UNC5C: variants seen among roughly 807,000 people sequenced by gnomAD.
The protein encoded by UNC5C is netrin receptor UNC5C.
In UNC5C, 47 loss-of-function variants were observed where a neutral mutation model predicts 99.8. That is an observed-to-expected ratio of 0.47 (90% CI 0.37 to 0.60). The LOEUF is 0.60. UNC5C is among the 20% of genes least tolerant of loss of function. UNC5C has a pLI of 0.00. For synonymous variants in UNC5C, 487 were observed against 452.2 expected (o/e 1.08, Z -0.98); for missense variants, 1,062 against 1,165.9 (o/e 0.91, Z 1.30).
chr4:95,387,370 G>T (rs1225410450), intron 1 of UNC5C, among the ~76,000 whole-genome samples: 2 of 152,116 alleles, frequency 1.3e-5, no homozygotes, highest in Non-Finnish European at 2.9e-5. Flanking sequence ...GATGACCTGA[G>T]CTCAAGCTAT....
chr4:95,297,712 C>G (rs990020356), intron 3 of UNC5C, among the ~76,000 whole-genome samples: 1 of 152,206 alleles, frequency 6.6e-6, no homozygotes, highest in African/African-American at 2.4e-5. Context: ...AGGCTTAGCC[C>G]TTTCAAATCA....
chr4:95,474,591 G>A lies in UNC5C; in HGVS notation c.124+74143C>T, dbSNP rs1027623855. On this transcript the variant is annotated intron_variant, in intron 1 of 15. Transcript: ENST00000453304. ...GTGTGAGCCACTGTGCCTCGCCTAT[G>A]GTACATATAATTTTAAAAGACACTG... 2.0e-4 allele frequency among the ~76,000 whole-genome samples: 31 copies of A among 151,806 alleles called. 1 individual carries two copies. Among genetic ancestry groups the A allele is most frequent in the Non-Finnish European group, 7.4e-5 (5 of 67,934 alleles).
At position 95,167,992 on chromosome 4, in the gene UNC5C, C is replaced by T. The variant is rs1261854346; in HGVS notation, c.*1242G>A. ...AAATGACTTTCTCAAGGTGGCGCAACAAGACAGTGACAGACCCACAATGAG... is the reference window on the plus strand; with the variant it reads ...AAATGACTTTCTCAAGGTGGCGCAATAAGACAGTGACAGACCCACAATGAG... On this transcript the variant is annotated 3_prime_UTR_variant, in exon 16 of 16. Transcript: ENST00000453304. 6.6e-6 allele frequency: 1 copy of T among 152,178 alleles called. No homozygotes were observed. The highest frequency in any genetic ancestry group is 1.9e-4 in the East Asian group (1 of 5,192). 9.4% of individuals were successfully genotyped at this position (152,178 alleles called of 1,614,324 possible). A position where few individuals can be genotyped will look rare whatever the true frequency, so the allele number is the denominator to read the frequency against.
chr4:95,293,600 T>TAAGACATTGCA (rs1477462756), intron 3 of UNC5C, among the ~76,000 whole-genome samples: 1 of 152,078 alleles, frequency 6.6e-6, no homozygotes, highest in African/African-American at 2.4e-5. Context: ...GATTACAACG[T>TAAGACATTGCA]AAGACATTGC....
chr4:95,173,051 T>C (rs1736188432), intron 14 of UNC5C, among the ~76,000 whole-genome samples: 1 of 152,020 alleles, frequency 6.6e-6, no homozygotes, highest in South Asian at 2.1e-4. Context: ...TGTCTGTTAT[T>C]GGTGTATAAG....
chr4:95,305,363 A>C (rs571541378), intron 2 of UNC5C, among the ~76,000 whole-genome samples: 86 of 152,264 alleles, frequency 5.6e-4, no homozygotes, highest in African/African-American at 2.0e-3. Context: ...ATCAGACCAG[A>C]GCCTAGTGGT....
chr4:95,485,218 C>A (rs536101420), intron 1 of UNC5C, among the ~76,000 whole-genome samples: 12 of 151,704 alleles, frequency 7.9e-5, no homozygotes, highest in Non-Finnish European at 1.5e-4. Flanking sequence ...TTTTTAAACT[C>A]ACTGAACTAA....
rs1438893355 is a variant in UNC5C at position 95,522,023 on chromosome 4, T to C, written c.124+26711A>G. Among the ~76,000 whole-genome samples, 7 of 152,262 alleles carry C rather than the reference T, an allele frequency of 4.6e-5. No individual in the cohort carries two copies. The South Asian group carries it at 1.0e-3, about 23-fold the overall frequency. On this transcript the variant is annotated intron_variant, in intron 1 of 15. Coordinates refer to ENST00000453304, the MANE Select transcript of UNC5C (RefSeq NM_003728.4). Reference sequence around the variant, plus strand: ...TTTTCTGAAAAAAATATGACCATATTTCTTCCACTAATTTATTTCTAGTTT... The same window carrying C: ...TTTTCTGAAAAAAATATGACCATATCTCTTCCACTAATTTATTTCTAGTTT...
intron 1 of UNC5C, among the ~76,000 whole-genome samples, chr4:95,364,231 A>G (rs1036822699): frequency 6.6e-6 from 1 of 152,252 alleles, no homozygotes; most frequent in African/African-American, 2.4e-5. Context: ...AGAACATGTG[A>G]CTCCACCAAC....
chr4:95,171,701 G>A (rs1415415850), intron 14 of UNC5C, among the ~76,000 whole-genome samples: 15 of 151,752 alleles, frequency 9.9e-5, no homozygotes, highest in Admixed American at 2.6e-4. Flanking sequence ...GTAAACATAC[G>A]TGTGCATGTG....
intron 1 of UNC5C, among the ~76,000 whole-genome samples, chr4:95,371,409 C>G (rs986592125): frequency 1.8e-5 from 2 of 109,748 alleles, no homozygotes; most frequent in African/African-American, 8.0e-5. Flanking sequence ...GAAATAAAAA[C>G]ACAGTATATT....
intron 1 of UNC5C, among the ~76,000 whole-genome samples, chr4:95,350,253 C>T (rs777776988): frequency 6.6e-6 from 1 of 151,934 alleles, no homozygotes; most frequent in Non-Finnish European, 1.5e-5. Context: ...TTTGGGAGGC[C>T]GAAGTGGGCA....
At chr4:95,532,570 G>T (rs1722677598) in intron 1 of UNC5C, among the ~76,000 whole-genome samples, 1 of 152,156 alleles carries the variant, frequency 6.6e-6, no homozygotes, top group African/African-American at 2.4e-5. Flanking sequence ...ACCAACTGGG[G>T]ACACAGGGAA....
At chr4:95,255,275 C>T (rs546954140) in intron 4 of UNC5C, among the ~76,000 whole-genome samples, 122 of 152,204 alleles carry the variant, frequency 8.0e-4, no homozygotes, top group African/African-American at 2.7e-3. Flanking sequence ...CCACCATGCC[C>T]GGCACCCCGC....
chr4:95,406,143 C>A (rs931985390), intron 1 of UNC5C, among the ~76,000 whole-genome samples: 1 of 152,112 alleles, frequency 6.6e-6, no homozygotes, highest in African/African-American at 2.4e-5. Flanking sequence ...AGGAACAAAT[C>A]GACTTTTATG....
chr4:95,532,206 A>T (rs903853069), intron 1 of UNC5C, among the ~76,000 whole-genome samples: 2 of 152,154 alleles, frequency 1.3e-5, no homozygotes, highest in Non-Finnish European at 2.9e-5. Context: ...TTAGAGATGG[A>T]TCTCTGAGGG....
intron 12 of UNC5C, among the ~76,000 whole-genome samples, chr4:95,195,172 T>TTGA (rs1193753584): frequency 2.0e-5 from 3 of 152,176 alleles, no homozygotes; most frequent in Non-Finnish European, 4.4e-5. Flanking sequence ...TTTAATAACT[T>TTGA]TGATGTCCTT....
At position 95,272,921 on chromosome 4, in the gene UNC5C, G is replaced by A. The variant is rs557329718; in HGVS notation, c.594+5338C>T. 2.0e-5 allele frequency among the ~76,000 whole-genome samples: 3 copies of A among 152,292 alleles called. No homozygotes were observed. In the East Asian group the frequency reaches 5.8e-4, roughly 29 times the overall value. On this transcript the variant is annotated intron_variant, in intron 4 of 15. Transcript: ENST00000453304. ...TATTATGGAAGAATGGCAAGGAAAC[G>A]TGAAGGACTCATGAAACAAAGTGTT...
chr4:95,471,286 T>C (rs951541156), intron 1 of UNC5C, among the ~76,000 whole-genome samples: 3 of 152,128 alleles, frequency 2.0e-5, no homozygotes, highest in African/African-American at 7.2e-5. Flanking sequence ...TGTGGATAAG[T>C]TTTCATGGAT....
Sources: gnomAD v4.1 joint callset for allele counts (sites outside exome capture counted in the v4.1 genomes callset) on GRCh38, gnomAD v4.1.1 for gene constraint, MANE v1.5 for transcripts, NCBI Gene and HGNC (gene_info 2026-07-23, HGNC 2026-07-21) for gene names.